Variants in SH3BGRL2 observed in about 807,000 individuals in gnomAD.
SH3BGRL2 encodes the protein SH3 domain-binding glutamic acid-rich-like protein 2.
In SH3BGRL2, 21 loss-of-function variants were observed where a neutral mutation model predicts 14.8. That is an observed-to-expected ratio of 1.42 (90% CI 1.01 to 2.05). SH3BGRL2 has a LOEUF of 2.05. SH3BGRL2 is among the 30% of genes most tolerant of loss of function. The pLI is 0.00. For synonymous variants in SH3BGRL2, 50 were observed against 47.8 expected (o/e 1.05, Z -0.19); for missense variants, 147 against 130.8 (o/e 1.12, Z -0.61).
the SH3BGRL2 span, among the ~76,000 whole-genome samples, chr6:79,612,901 C>G: frequency 6.6e-6 from 1 of 152,226 alleles, no homozygotes; most frequent in Non-Finnish European, 1.5e-5. Flanking sequence ...ATGAATTCAG[C>G]AGGCACTGCC....
chr6:79,564,412 C>CTT, the SH3BGRL2 span, among the ~76,000 whole-genome samples: 1 of 152,202 alleles, frequency 6.6e-6, no homozygotes, highest in African/African-American at 2.4e-5. Context: ...GCAGTTTGTG[C>CTT]TTTTTCCTTG....
chr6:79,559,012 A>G, the SH3BGRL2 span, among the ~76,000 whole-genome samples: 1 of 152,210 alleles, frequency 6.6e-6, no homozygotes, highest in Non-Finnish European at 1.5e-5. Flanking sequence ...CAAATCTGGG[A>G]CAATTTGAGC....
the SH3BGRL2 span, among the ~76,000 whole-genome samples, chr6:79,546,347 A>G: frequency 8.6e-3 from 1,310 of 152,230 alleles, 34 homozygotes; most frequent in Admixed American, 0.054. Flanking sequence ...GCTGCCTCAG[A>G]ATCGTGGCTA....
the SH3BGRL2 span, among the ~76,000 whole-genome samples, chr6:79,588,008 T>C: frequency 6.6e-6 from 1 of 151,420 alleles, no homozygotes; most frequent in African/African-American, 2.4e-5. Flanking sequence ...AAACCCCGTC[T>C]ACTGGCCGGG....
chr6:79,563,256 C>T, the SH3BGRL2 span, among the ~76,000 whole-genome samples: 1 of 150,804 alleles, frequency 6.6e-6, no homozygotes, highest in African/African-American at 2.4e-5. Context: ...GGATTACAGG[C>T]ATGGGCCACC....
At position 79,702,113 on chromosome 6, in the gene SH3BGRL2, G is replaced by T. The variant is rs561442609; in HGVS notation, c.*2604G>T. ...GAAAATACTTGTTTTTCCAAATTCC[G>T]GTGTTTTATTACAATCAAAGAAGAG... On this transcript the variant is annotated 3_prime_UTR_variant, in exon 4 of 4. Coordinates refer to ENST00000369838, the MANE Select transcript of SH3BGRL2 (RefSeq NM_031469.4). 6.6e-6 allele frequency: 1 copy of T among 152,496 alleles called. No homozygotes were observed. Among genetic ancestry groups the T allele is most frequent in the South Asian group, 2.1e-4 (1 of 4,814 alleles). The allele number at this position is 152,496 out of a possible 1,614,324, so 9.4% of individuals were successfully genotyped here.
the SH3BGRL2 span, among the ~76,000 whole-genome samples, chr6:79,563,882 T>C: frequency 6.6e-6 from 1 of 152,146 alleles, no homozygotes; most frequent in Non-Finnish European, 1.5e-5. Context: ...TGTCTGTAAA[T>C]GGGGTTTTGC....
intron 2 of SH3BGRL2, among the ~76,000 whole-genome samples, chr6:79,680,160 A>G (rs1386964925): frequency 6.6e-6 from 1 of 152,194 alleles, no homozygotes; most frequent in Non-Finnish European, 1.5e-5. Context: ...AGTTTGCCAA[A>G]TCCAGTGTCA....
chr6:79,573,976 A>T, the SH3BGRL2 span: 1 of 152,142 alleles, frequency 6.6e-6, no homozygotes, highest in Non-Finnish European at 1.5e-5. Flanking sequence ...ACAAGATTCT[A>T]TGTGTGTCTG....
chr6:79,699,318 A>G (rs919059945), intron 3 of SH3BGRL2, among the ~76,000 whole-genome samples, 180 bp from the exon 4 acceptor site: 16 of 151,976 alleles, frequency 1.1e-4, no homozygotes, highest in Non-Finnish European at 2.9e-5. Flanking sequence ...TGTGATTTAA[A>G]TCTGGGCTCT....
the SH3BGRL2 span, among the ~76,000 whole-genome samples, chr6:79,550,127 G>GA: frequency 6.6e-6 from 1 of 151,942 alleles, no homozygotes; most frequent in African/African-American, 2.4e-5. Context: ...TCCATGGTAA[G>GA]AAAAAAATAG....
intron 3 of SH3BGRL2, among the ~76,000 whole-genome samples, chr6:79,699,221 TGGAACAGTACCTCTGAGA>T (rs1447135589): frequency 6.6e-6 from 1 of 152,074 alleles, no homozygotes; most frequent in Non-Finnish European, 1.5e-5. Flanking sequence ...CATACACAAG[TGGAACAGTACCTCTGAGA>T]GGAATCTCAG....
chr6:79,540,628 C>T, the SH3BGRL2 span, among the ~76,000 whole-genome samples: 3,521 of 151,814 alleles, frequency 0.023, 128 homozygotes, highest in African/African-American at 0.08. Flanking sequence ...ATGAAATGTA[C>T]GAGTTTTTTT....
At chr6:79,669,318 A>C (rs2127731936) in intron 1 of SH3BGRL2, among the ~76,000 whole-genome samples, 1 of 152,308 alleles carries the variant, frequency 6.6e-6, no homozygotes, top group Middle Eastern at 3.4e-3. Flanking sequence ...CAAGGATAAA[A>C]GAATCAGCCC....
chr6:79,571,258 C>A, the SH3BGRL2 span, among the ~76,000 whole-genome samples: 1 of 152,304 alleles, frequency 6.6e-6, no homozygotes, highest in African/African-American at 2.4e-5. Context: ...TCTCTCCTTT[C>A]TCCTTATAAG....
intron 1 of SH3BGRL2, among the ~76,000 whole-genome samples, chr6:79,671,509 T>G (rs1381956884): frequency 6.6e-6 from 1 of 152,234 alleles, no homozygotes; most frequent in African/African-American, 2.4e-5. Context: ...GCCCACAATT[T>G]ACTTCTCTTC....
intron 1 of SH3BGRL2, among the ~76,000 whole-genome samples, chr6:79,666,835 G>A (rs1168728366): frequency 2.0e-5 from 3 of 152,210 alleles, no homozygotes; most frequent in African/African-American, 7.2e-5. Flanking sequence ...AAAGCTGTGT[G>A]TTTGAAGTGT....
chr6:79,617,445 T>G, the SH3BGRL2 span, among the ~76,000 whole-genome samples: 1 of 152,174 alleles, frequency 6.6e-6, no homozygotes, highest in Non-Finnish European at 1.5e-5. Context: ...TCACTCCCTA[T>G]TTATACTGAA....
chr6:79,670,479 T>C (rs1195497158), intron 1 of SH3BGRL2, among the ~76,000 whole-genome samples: 1 of 152,266 alleles, frequency 6.6e-6, no homozygotes, highest in Admixed American at 6.5e-5. Flanking sequence ...GTGACAAATA[T>C]TCACTCACAT....
Sources: gnomAD v4.1 joint callset for allele counts (sites outside exome capture counted in the v4.1 genomes callset) on GRCh38, gnomAD v4.1.1 for gene constraint, MANE v1.5 for transcripts, NCBI Gene and HGNC (gene_info 2026-07-23, HGNC 2026-07-21) for gene names.